The following UPK3B variants were observed in gnomAD, a reference collection of about 807,000 sequenced individuals.
UPK3B encodes uroplakin 3B.
Under a neutral mutation model 27.6 loss-of-function variants are expected in UPK3B, and 21 were observed. The ratio of observed to expected loss-of-function variants is 0.76; its 90% CI spans 0.54 to 1.10. UPK3B has a LOEUF of 1.10. UPK3B is among the 50% of genes least tolerant of loss of function. UPK3B has a pLI of 0.00. For missense variants in UPK3B, 306 were observed against 376.1 expected, an observed-to-expected ratio of 0.81 and a Z score of 1.54; for synonymous variants, 141 against 162.3, an observed-to-expected ratio of 0.87 and a Z score of 1.00.
intron 4 of UPK3B, among the ~76,000 whole-genome samples, chr7:76,513,408 C>G (rs887281997): frequency 3.9e-5 from 6 of 152,156 alleles, no homozygotes; most frequent in African/African-American, 1.2e-4. Flanking sequence ...ACAGCCTCCC[C>G]CCTCCTGTAG....
In UPK3B at chr7:76,510,606, G is replaced by T. The variant is rs1283843532; in HGVS notation, c.-47G>T. The T allele has an allele frequency of 1.4e-6, 2 of 1,412,936 alleles. No individual in the cohort carries two copies. The highest frequency in any genetic ancestry group is 4.9e-5 in the East Asian group (2 of 40,962). The allele number at this position is 1,412,936 out of a possible 1,614,324, so 87.5% of individuals were successfully genotyped here. A position where few individuals can be genotyped will look rare whatever the true frequency, so the allele number is the denominator to read the frequency against. The stretch of plus-strand genomic sequence containing the variant: ...AGCTGTTGGGGGTGAGGTGCAGCCC[G>T]AAGCAGCCAGACCAGCCCCTGAGCC... On this transcript the variant is annotated 5_prime_UTR_variant, in exon 1 of 6. Transcript: ENST00000334348.
In UPK3B at chr7:76,511,899, G is replaced by A. The variant is rs556803720; in HGVS notation, c.461+17G>A. On this transcript the variant is annotated intron_variant, in intron 3 of 5. Transcript: ENST00000334348. ...ACCCTATCGGTGGGTGGTCCCCACC[G>A]GAGCCCTGGGACTGGGGCTGTGCTT... The A allele has an allele frequency of 2.9e-4, 364 of 1,250,158 alleles. 2 individuals carry two copies. The South Asian group carries it at 5.0e-3, about 17-fold the overall frequency. The allele number at this position is 1,250,158 out of a possible 1,614,324, so 77.4% of individuals were successfully genotyped here.
At position 76,514,050 on chromosome 7, in the gene UPK3B, C is replaced by G. The variant is rs146474421; in HGVS notation, c.645C>G (p.Ala215=). Residue 215 remains alanine (A), a synonymous_variant, in exon 5 of 6, where the codon GCC becomes GCG. Coordinates refer to ENST00000334348, the MANE Select transcript of UPK3B (RefSeq NM_001347684.2). ...CTCTGGCCGGCCTCCTACTCTTGGC[C>G]TTCTTGGCAGCCTCTACCATGCGCT... ...LSSLAGLLLL[A]FLAASTMRFS... 1 of 1,614,056 alleles carries G rather than the reference C, an allele frequency of 6.2e-7. No homozygotes were observed. The highest frequency in any genetic ancestry group is 2.2e-5 in the East Asian group (1 of 44,858).
rs1812709999 is a variant in UPK3B, at chr7:76,515,545, C to T, written c.*341C>T. ...GACTGTGTGGACAGGCCGCCCTGAC[C>T]GCAAGCTTCCAGACCCTGGGAGGAG... On this transcript the variant is annotated 3_prime_UTR_variant, in exon 6 of 6. Transcript: ENST00000334348. The T allele has an allele frequency of 4.8e-5, 34 of 713,698 alleles. 14 individuals carry two copies. The highest frequency in any genetic ancestry group is 5.2e-5 in the Non-Finnish European group (31 of 594,210). 44.2% of individuals were successfully genotyped at this position (713,698 alleles called of 1,614,324 possible). A position where few individuals can be genotyped will look rare whatever the true frequency, so the allele number is the denominator to read the frequency against.
intron 5 of UPK3B, 61 bp from the exon 6 acceptor site, chr7:76,514,984 A>T (rs1812678645): frequency 2.0e-6 from 3 of 1,534,208 alleles, no homozygotes; most frequent in Non-Finnish European, 2.6e-6. Flanking sequence ...GCAGGCCTTG[A>T]CCCAGCACGT....
rs1812591766 is a variant in UPK3B, at chr7:76,513,096, C to A, written c.474C>A (p.Leu158=). The part of the protein sequence containing the change: ...PGPGPYRVKF[L]LMDTRGSPRA... Reference sequence around the variant, plus strand: ...CTCCCATCCCCAGGGTGAAGTTCCTCCTGATGGACACCAGGGGCTCACCCA... The same window carrying A: ...CTCCCATCCCCAGGGTGAAGTTCCTACTGATGGACACCAGGGGCTCACCCA... Residue 158 remains leucine (L), a synonymous_variant, in exon 4 of 6, where the codon CTC becomes CTA. Transcript: ENST00000334348. 6.2e-7 allele frequency: 1 copy of A among 1,613,384 alleles called. No homozygotes were observed. The highest frequency in any genetic ancestry group is 8.5e-7 in the Non-Finnish European group (1 of 1,179,796).
In UPK3B at chr7:76,514,018, CTCTCT is replaced by C. The variant is rs772800915; in HGVS notation, c.619_623del (p.Ser207GlyfsTer85). 1.7e-5 allele frequency: 28 copies of C among 1,613,952 alleles called. No homozygotes were observed. The highest frequency in any genetic ancestry group is 2.4e-5 in the Non-Finnish European group (28 of 1,179,942). On this transcript the variant is annotated frameshift_variant, in exon 5 of 6. Coordinates refer to ENST00000334348, the MANE Select transcript of UPK3B (RefSeq NM_001347684.2). LOFTEE classifies it high-confidence loss of function. ...CAGCATGATCGTCATTACCTCCATC[CTCTCT>C]TCTCTGGCCGGCCTCCTACTCTTGG...
At position 76,515,220 on chromosome 7, in the gene UPK3B, T is replaced by C; in HGVS notation, c.*16T>C. ...CAGCCCCTAGCCTGGCCTCTTTGCA[T>C]GGGGCTGGGGGAGATGGGGCGCTGG... On this transcript the variant is annotated 3_prime_UTR_variant, in exon 6 of 6. Transcript: ENST00000334348. The C allele has an allele frequency of 1.3e-6, 2 of 1,588,634 alleles. No homozygotes were observed. The highest frequency in any genetic ancestry group is 1.7e-6 in the Non-Finnish European group (2 of 1,167,450).
At chr7:76,511,464 G>C (rs1812528798) in intron 2 of UPK3B, 193 bp from the exon 3 acceptor site, 1 of 756,868 alleles carries the variant, frequency 1.3e-6, no homozygotes, top group African/African-American at 1.8e-5. Flanking sequence ...GCTCTGGGTG[G>C]GGACAAAAGG....
Position 76,511,757 on chromosome 7 carries a change from C to T in UPK3B, c.336C>T (p.Asp112=), listed in dbSNP as rs1228867339. Residue 112 remains aspartate (D), a synonymous_variant, in exon 3 of 6, where the codon GAC becomes GAT. Coordinates refer to ENST00000334348, the MANE Select transcript of UPK3B (RefSeq NM_001347684.2). ...GHYMTLPLSP[D]QLPCGDPMAG... is the part of the protein sequence containing the mutation. ...ACATGACGCTGCCCCTGTCTCCGGACCAGCTGCCCTGTGGCGACCCCATGG... is the reference window on the plus strand; with the variant it reads ...ACATGACGCTGCCCCTGTCTCCGGATCAGCTGCCCTGTGGCGACCCCATGG... The T allele has an allele frequency of 6.2e-7, 1 of 1,609,962 alleles. No individual in the cohort carries two copies. Among genetic ancestry groups the T allele is most frequent in the Admixed American group, 1.7e-5 (1 of 59,734 alleles).
chr7:76,514,274 A>G lies in UPK3B; in HGVS notation c.671+198A>G, dbSNP rs374121260. ...TCCCGTCTCGGCCTCCCAAAGTATT[A>G]GGATTACAGGTGTGAGCCACCTTGC... On this transcript the variant is annotated intron_variant, in intron 5 of 5. Transcript: ENST00000334348. Among the ~76,000 whole-genome samples the G allele has an allele frequency of 1.6e-4, 25 of 152,226 alleles. No homozygotes were observed. In the South Asian group the frequency reaches 5.2e-3, roughly 32 times the overall value.
At chr7:76,511,398 A>T (rs1423223151) in intron 2 of UPK3B, 1 of 924,030 alleles carries the variant, frequency 1.1e-6, no homozygotes, top group Non-Finnish European at 1.6e-6. Context: ...GTGCACTGCA[A>T]TGGGGCTGGG....
chr7:76,515,288 G>GC lies in UPK3B; in HGVS notation c.*89dup. The GC allele has an allele frequency of 1.3e-6, 2 of 1,540,526 alleles. No homozygotes were observed. Among genetic ancestry groups the GC allele is most frequent in the Non-Finnish European group, 1.8e-6 (2 of 1,141,402 alleles). On this transcript the variant is annotated 3_prime_UTR_variant, in exon 6 of 6. Coordinates refer to ENST00000334348, the MANE Select transcript of UPK3B (RefSeq NM_001347684.2). Reference sequence around the variant, plus strand: ...TTTGTCCCAGCTCCTGCACCCACAGGCCCCCTCAGGGCTCCTTGCCTTTCC... The same window carrying GC: ...TTTGTCCCAGCTCCTGCACCCACAGGCCCCCCTCAGGGCTCCTTGCCTTTCC...
At position 76,516,148 on chromosome 7, in the gene UPK3B, G is replaced by A; in HGVS notation, c.*944G>A. ...AGCCAGGCCGCCTCACGGCCAGTGT[G>A]CATGCTCGCTGCTATTCGCTGCCCC... On this transcript the variant is annotated 3_prime_UTR_variant, in exon 6 of 6. Coordinates refer to ENST00000334348, the MANE Select transcript of UPK3B (RefSeq NM_001347684.2). 1.6e-6 allele frequency: 1 copy of A among 611,828 alleles called. No individual in the cohort carries two copies. Among genetic ancestry groups the A allele is most frequent in the African/African-American group, 4.5e-5 (1 of 22,288 alleles). The allele number at this position is 611,828 out of a possible 1,614,324, so 37.9% of individuals were successfully genotyped here.
At position 76,510,576 on chromosome 7, in the gene UPK3B, G is replaced by A; in HGVS notation, c.-77G>A. The A allele has an allele frequency of 1.5e-6, 2 of 1,326,052 alleles. No individual in the cohort carries two copies. Among genetic ancestry groups the A allele is most frequent in the Admixed American group, 3.1e-5 (1 of 32,174 alleles). The allele number at this position is 1,326,052 out of a possible 1,614,324, so 82.1% of individuals were successfully genotyped here. On this transcript the variant is annotated 5_prime_UTR_variant, in exon 1 of 6. Coordinates refer to ENST00000334348, the MANE Select transcript of UPK3B (RefSeq NM_001347684.2). ...CAGCCTGATTAACCAGCTTCTCCAG[G>A]GCCAAGCTGTTGGGGGTGAGGTGCA...
chr7:76,512,049 C>A (rs1408654476), intron 3 of UPK3B, among the ~76,000 whole-genome samples, 167 bp downstream of exon 3: 1 of 150,898 alleles, frequency 6.6e-6, no homozygotes, highest in Non-Finnish European at 1.5e-5. Context: ...CAACAGTGCT[C>A]ACCCCCGCTG....
chr7:76,512,979 C>T, intron 3 of UPK3B, 105 bp from the exon 4 acceptor site: 1 of 885,324 alleles, frequency 1.1e-6, no homozygotes. Context: ...CCCCACTCCA[C>T]ATCCATGGGA....
In UPK3B at chr7:76,515,262, C is replaced by T; in HGVS notation, c.*58C>T. Reference sequence around the variant, plus strand: ...GGGCGCTGGGAGTGAGTGCATGGTGCTTTGTCCCAGCTCCTGCACCCACAG... The same window carrying T: ...GGGCGCTGGGAGTGAGTGCATGGTGTTTTGTCCCAGCTCCTGCACCCACAG... On this transcript the variant is annotated 3_prime_UTR_variant, in exon 6 of 6. Coordinates refer to ENST00000334348, the MANE Select transcript of UPK3B (RefSeq NM_001347684.2). 1 of 1,562,148 alleles carries T rather than the reference C, an allele frequency of 6.4e-7. No homozygotes were observed. The highest frequency in any genetic ancestry group is 8.7e-7 in the Non-Finnish European group (1 of 1,152,806).
chr7:76,515,325 A>T lies in UPK3B; in HGVS notation c.*121A>T. On this transcript the variant is annotated 3_prime_UTR_variant, in exon 6 of 6. Transcript: ENST00000334348. Reference sequence around the variant, plus strand: ...CTCCTTGCCTTTCCCCCCCACCAGCACACCCCGTACCCTGCCTGGAATCCC... The same window carrying T: ...CTCCTTGCCTTTCCCCCCCACCAGCTCACCCCGTACCCTGCCTGGAATCCC... 1 of 1,508,088 alleles carries T rather than the reference A, an allele frequency of 6.6e-7. No individual in the cohort carries two copies. Among genetic ancestry groups the T allele is most frequent in the Non-Finnish European group, 8.9e-7 (1 of 1,125,862 alleles). 93.4% of individuals were successfully genotyped at this position (1,508,088 alleles called of 1,614,324 possible). A position where few individuals can be genotyped will look rare whatever the true frequency, so the allele number is the denominator to read the frequency against.
Sources: allele counts gnomAD v4.1 joint callset (sites outside exome capture counted in the v4.1 genomes callset), GRCh38; gene constraint gnomAD v4.1.1; transcripts MANE v1.5; gene names NCBI Gene and HGNC (gene_info 2026-07-23, HGNC 2026-07-21).